MED22: variants seen among roughly 807,000 people sequenced by gnomAD.
The protein encoded by MED22 is mediator complex subunit 22, also known as mediator of RNA polymerase II transcription subunit 22.
A neutral mutation model predicts 22.7 loss-of-function variants in MED22; 22 were observed. The observed-to-expected ratio is 0.97, with a 90% CI of 0.69 to 1.38. The LOEUF is 1.38. Among genes scored for constraint, MED22 ranks in the 40% most tolerant of loss-of-function variants. The probability of loss-of-function intolerance (pLI) is 0.00; values close to 1 mark genes in which losing one functional copy is unlikely to be tolerated. For missense variants in MED22, 247 were observed against 263.0 expected, an observed-to-expected ratio of 0.94 and a Z score of 0.42; for synonymous variants, 134 against 119.4, an observed-to-expected ratio of 1.12 and a Z score of -0.80.
rs1836000719 is a variant in MED22, at chr9:133,341,426, T to C, written c.*79A>G. ...GAAGTCCCCAAATGGGAACCTAGGCTGAGAGAAGCAAGGCTGTGAGGGCAT... is the reference window on the plus strand; with the variant it reads ...GAAGTCCCCAAATGGGAACCTAGGCCGAGAGAAGCAAGGCTGTGAGGGCAT... On this transcript the variant is annotated 3_prime_UTR_variant, in exon 5 of 5. Coordinates refer to ENST00000343730, the MANE Select transcript of MED22 (RefSeq NM_133640.5). 2.9e-6 allele frequency: 4 copies of C among 1,385,714 alleles called. No homozygotes were observed. The highest frequency in any genetic ancestry group is 3.7e-6 in the Non-Finnish European group (4 of 1,066,670). The allele number at this position is 1,385,714 out of a possible 1,614,324, so 85.8% of individuals were successfully genotyped here.
chr9:133,347,797 T>G (rs1836237001), intron 1 of MED22, 125 bp downstream of exon 1: 1 of 205,734 alleles, frequency 4.9e-6, no homozygotes. Context: ...TTTGGCGGGG[T>G]GTGGGAAATA....
intron 4 of MED22, chr9:133,341,942 G>C: frequency 7.7e-7 from 1 of 1,295,756 alleles, no homozygotes. Flanking sequence ...ACCAACAGCT[G>C]TGTGACCTCA....
rs1025106961 is a variant in MED22 at position 133,348,041 on chromosome 9, C to A, written c.-158G>T. ...CTCCCACGGCCTGGCCCTCCCGCCG[C>A]AGTCTCTCTTCCCCGCCGCGCCGCG... On this transcript the variant is annotated 5_prime_UTR_variant, in exon 1 of 5. Transcript: ENST00000343730. The A allele has an allele frequency of 4.2e-6, 3 of 706,532 alleles. No homozygotes were observed. The African/African-American group carries it at 5.3e-5, about 13-fold the overall frequency. 43.8% of individuals were successfully genotyped at this position (706,532 alleles called of 1,614,324 possible). A position where few individuals can be genotyped will look rare whatever the true frequency, so the allele number is the denominator to read the frequency against.
Position 133,344,185 on chromosome 9 carries a change from G to T in MED22, c.353C>A (p.Thr118Lys). ...GTCAATGGAGATCTCGTCTCGCAGC[G>T]TGATGAGCTTCCGGTCGCACTCCTC... ...LQEECDRKLI[T>K]LRDEISIDLY... Residue 118 changes from threonine to lysine, a missense_variant, in exon 4 of 5, where the codon ACG becomes AAG. Physicochemically the swap from Thr to Lys is moderately conservative, Grantham distance 78. Transcript: ENST00000343730. 6.2e-7 allele frequency: 1 copy of T among 1,614,174 alleles called. No homozygotes were observed. Among genetic ancestry groups the T allele is most frequent in the Non-Finnish European group, 8.5e-7 (1 of 1,180,036 alleles).
At chr9:133,344,469 G>T in intron 3 of MED22, 136 bp from the exon 4 acceptor site, 1 of 786,656 alleles carries the variant, frequency 1.3e-6, no homozygotes, top group Non-Finnish European at 2.1e-6. Flanking sequence ...CTCTACCCCT[G>T]ACCTCCACAG....
intron 2 of MED22, among the ~76,000 whole-genome samples, chr9:133,345,892 G>C (rs1250454271): frequency 6.6e-6 from 1 of 152,194 alleles, no homozygotes; most frequent in African/African-American, 2.4e-5. Context: ...GTTGTGAGCT[G>C]AGTGACCTTG....
rs1227146178 is a variant in MED22, at chr9:133,339,292, A to G, written c.*2213T>C. 1 of 706,530 alleles carries G rather than the reference A, an allele frequency of 1.4e-6. No individual in the cohort carries two copies. Among genetic ancestry groups the G allele is most frequent in the African/African-American group, 1.8e-5 (1 of 57,006 alleles). The allele number at this position is 706,530 out of a possible 1,614,324, so 43.8% of individuals were successfully genotyped here. A position where few individuals can be genotyped will look rare whatever the true frequency, so the allele number is the denominator to read the frequency against. ...CACACTAAGCACTCTAAGAGCCGAGAGAGCTTCCTGAAACGCGTGAAGGAA... is the reference window on the plus strand; with the variant it reads ...CACACTAAGCACTCTAAGAGCCGAGGGAGCTTCCTGAAACGCGTGAAGGAA... On this transcript the variant is annotated 3_prime_UTR_variant, in exon 5 of 5. Transcript: ENST00000343730.
chr9:133,348,000 G>A lies in MED22; in HGVS notation c.-117C>T. On this transcript the variant is annotated 5_prime_UTR_variant, in exon 1 of 5. Transcript: ENST00000343730. Reference sequence around the variant, plus strand: ...GGGTGGTCAAGTGCCTCTGCGACCCGCACTTTCCCGCGTCTCTCCCACGGC... The same window carrying A: ...GGGTGGTCAAGTGCCTCTGCGACCCACACTTTCCCGCGTCTCTCCCACGGC... The A allele has an allele frequency of 1.8e-6, 1 of 566,278 alleles. No individual in the cohort carries two copies. 35.1% of individuals were successfully genotyped at this position (566,278 alleles called of 1,614,324 possible). A position where few individuals can be genotyped will look rare whatever the true frequency, so the allele number is the denominator to read the frequency against.
In MED22 at chr9:133,339,880, G is replaced by A. The variant is rs1159909772; in HGVS notation, c.*1625C>T. ...TGCTGCCAAGGCCATGAGCTGGAGA[G>A]GAAAAAAGGTCAGCAGAGCGGCTTG... On this transcript the variant is annotated 3_prime_UTR_variant, in exon 5 of 5. Coordinates refer to ENST00000343730, the MANE Select transcript of MED22 (RefSeq NM_133640.5). 1.3e-5 allele frequency: 2 copies of A among 153,412 alleles called. No individual in the cohort carries two copies. Among genetic ancestry groups the A allele is most frequent in the South Asian group, 2.0e-4 (1 of 4,982 alleles). The allele number at this position is 153,412 out of a possible 1,614,324, so 9.5% of individuals were successfully genotyped here. A position where few individuals can be genotyped will look rare whatever the true frequency, so the allele number is the denominator to read the frequency against.
intron 4 of MED22, chr9:133,343,027 C>G (rs1836059081): frequency 1.0e-6 from 1 of 986,944 alleles, no homozygotes; most frequent in African/African-American, 1.7e-5. Context: ...TCTCAGCCAC[C>G]CTAGTGTGGA....
chr9:133,347,888 C>T (rs1189726836), intron 1 of MED22, 34 bp downstream of exon 1: 1 of 144,030 alleles, frequency 6.9e-6, no homozygotes, highest in Non-Finnish European at 1.5e-5. Flanking sequence ...CACCCACCCC[C>T]CCTCCATCCC....
At chr9:133,346,755 T>C in intron 1 of MED22, 55 bp from the exon 2 acceptor site, 2 of 1,475,948 alleles carry the variant, frequency 1.4e-6, no homozygotes, top group South Asian at 1.2e-5. Flanking sequence ...AGCCACCCTC[T>C]ATGCCCCAAC....
Position 133,346,602 on chromosome 9 carries a change from GCTTGTTGTAGGACTGCAGCAGCGTCTC to G in MED22, c.34_60del (p.Glu12_Lys20del). On this transcript the variant is annotated inframe_deletion, in exon 2 of 5. Transcript: ENST00000343730. ...ATGGACTTAATGTCGTCCTTCAGCC[GCTTGTTGTAGGACTGCAGCAGCGTCTC>G]CTTGCTCTGGGGCAGGGCTCTCTGC... 6.2e-7 allele frequency: 1 copy of G among 1,612,796 alleles called. No homozygotes were observed. The highest frequency in any genetic ancestry group is 8.5e-7 in the Non-Finnish European group (1 of 1,179,982).
chr9:133,344,087 G>A (rs2129959150), intron 4 of MED22, 38 bp downstream of exon 4: 14 of 1,606,290 alleles, frequency 8.7e-6, no homozygotes, highest in East Asian at 2.2e-5. Context: ...AGGTAGGCAG[G>A]CTCCCGCTCT....
chr9:133,343,689 G>C lies in MED22; in HGVS notation c.413+436C>G, dbSNP rs2129957584. 159 of 1,264,546 alleles carry C rather than the reference G, an allele frequency of 1.3e-4. No individual in the cohort carries two copies. In the Middle Eastern group the frequency reaches 4.5e-3, roughly 36 times the overall value. 78.3% of individuals were successfully genotyped at this position (1,264,546 alleles called of 1,614,324 possible). A position where few individuals can be genotyped will look rare whatever the true frequency, so the allele number is the denominator to read the frequency against. ...ATCCACATGGAATTGCATCCCTGGT[G>C]CCCTGGACATAGGTGTGGACCTGAC... On this transcript the variant is annotated intron_variant, in intron 4 of 4. Coordinates refer to ENST00000343730, the MANE Select transcript of MED22 (RefSeq NM_133640.5).
Position 133,344,297 on chromosome 9 carries a change from C to G in MED22, c.241G>C (p.Asp81His). 3 of 1,614,112 alleles carry G rather than the reference C, an allele frequency of 1.9e-6. No homozygotes were observed. The highest frequency in any genetic ancestry group is 2.5e-6 in the Non-Finnish European group (3 of 1,180,034). The change falls in exon 4 of 5, where the codon GAC becomes CAC. Residue 81 changes from aspartate (D) to histidine (H), a missense_variant. Coordinates refer to ENST00000343730, the MANE Select transcript of MED22 (RefSeq NM_133640.5). ...AGESLMKLVS[D>H]LKQFLILNDF... The stretch of plus-strand genomic sequence containing the variant: ...TTGAGGATCAGGAACTGCTTGAGGT[C>G]GGACACCAGCTTCATCAGGGACTCG...
In MED22 at chr9:133,344,187, G is replaced by A. The variant is rs138336611; in HGVS notation, c.351C>T (p.Ile117=). The A allele has an allele frequency of 6.2e-7, 1 of 1,614,148 alleles. No homozygotes were observed. Among genetic ancestry groups the A allele is most frequent in the African/African-American group, 1.3e-5 (1 of 75,042 alleles). Residue 117 remains isoleucine, a synonymous_variant, in exon 4 of 5, where the codon ATC becomes ATT. Coordinates refer to ENST00000343730, the MANE Select transcript of MED22 (RefSeq NM_133640.5). ...TLQEECDRKL[I]TLRDEISIDL... Reference sequence around the variant, plus strand: ...CAATGGAGATCTCGTCTCGCAGCGTGATGAGCTTCCGGTCGCACTCCTCCT... The same window carrying A: ...CAATGGAGATCTCGTCTCGCAGCGTAATGAGCTTCCGGTCGCACTCCTCCT...
rs2129964364 is a variant in MED22, at chr9:133,345,224, G to A, written c.152C>T (p.Ala51Val). Residue 51 changes from alanine (A) to valine (V), a missense_variant, in exon 3 of 5, where the codon GCC (alanine) becomes GTC (valine). Transcript: ENST00000343730. ...KIEDETQVSR[A>V]TQGEQDNYEM... is the part of the protein sequence containing the mutation. ...GTAATTGTCCTGTTCACCCTGAGTG[G>A]CCCGTGACACCTGCGTCTCGTCCTC... The A allele has an allele frequency of 1.2e-6, 2 of 1,613,910 alleles. No homozygotes were observed. Among genetic ancestry groups the A allele is most frequent in the Non-Finnish European group, 1.7e-6 (2 of 1,180,002 alleles).
At chr9:133,343,049 C>G (rs587627224) in intron 4 of MED22, 1 of 989,146 alleles carries the variant, frequency 1.0e-6, no homozygotes, top group Non-Finnish European at 1.2e-6. Context: ...GAAATGCTGC[C>G]TCATGTCTGC....
Sources: allele counts gnomAD v4.1 joint callset (sites outside exome capture counted in the v4.1 genomes callset), GRCh38; gene constraint gnomAD v4.1.1; transcripts MANE v1.5; gene names NCBI Gene and HGNC (gene_info 2026-07-23, HGNC 2026-07-21).